ATP11A: variants seen among roughly 807,000 people sequenced by gnomAD.
ATP11A encodes phospholipid-transporting ATPase IH.
ATP11A carries 81 observed loss-of-function variants against 154.4 expected under a neutral mutation model. The observed-to-expected ratio is 0.52, with a 90% CI of 0.44 to 0.63. The LOEUF (loss-of-function observed/expected upper bound fraction) is 0.63. Among genes scored for constraint, ATP11A ranks in the 30% least tolerant of loss-of-function variants. ATP11A has a pLI of 0.00. For missense variants in ATP11A, 1,316 were observed against 1,474.3 expected (o/e 0.89, Z 1.76); for synonymous variants, 623 against 585.9 (o/e 1.06, Z -0.91).
chr13:112,858,173 T>C lies in ATP11A; in HGVS notation c.2550T>C (p.Ala850=). ...TCATCGGCAAGGAAGGCCGCCAGGC[T>C]GCCAGGAACAGCGACTATGCAATCC... ...IGVIGKEGRQ[A]ARNSDYAIPK... Residue 850 remains alanine (A), a synonymous_variant, in exon 22 of 30, where the codon GCT becomes GCC. Transcript: ENST00000375645. 1 of 1,613,820 alleles carries C rather than the reference T, an allele frequency of 6.2e-7. No homozygotes were observed. Among genetic ancestry groups the C allele is most frequent in the Non-Finnish European group, 8.5e-7 (1 of 1,179,904 alleles).
chr13:112,859,627 A>G lies in ATP11A; in HGVS notation c.2727+175A>G, dbSNP rs1009957460. Among the ~76,000 whole-genome samples, 12 of 152,150 alleles carry G rather than the reference A, an allele frequency of 7.9e-5. No homozygotes were observed. Among genetic ancestry groups the G allele is most frequent in the African/African-American group, 2.9e-4 (12 of 41,430 alleles). On this transcript the variant is annotated intron_variant, in intron 23 of 29. Coordinates refer to ENST00000375645, the MANE Select transcript of ATP11A (RefSeq NM_015205.3). This position sits in a 1 kb window ranked among gnomAD's most constrained non-coding sequence, Gnocchi z 4.3. ...AGGGTCGGGCCTGGGGAGGGGGGCC[A>G]CGGAGCTGAGGAGTTGCCGTCCTGG...
intron 1 of ATP11A, among the ~76,000 whole-genome samples, chr13:112,737,626 A>G (rs1047624902): frequency 6.6e-6 from 1 of 152,194 alleles, no homozygotes; most frequent in African/African-American, 2.4e-5. Context: ...CAGGGAGGTC[A>G]CCGAGGGCCT....
At chr13:112,725,328 A>G (rs772398522) in intron 1 of ATP11A, among the ~76,000 whole-genome samples, 1 of 152,130 alleles carries the variant, frequency 6.6e-6, no homozygotes, top group Non-Finnish European at 1.5e-5. Flanking sequence ...TGGGGAGCAG[A>G]CGAGGTATGG....
At chr13:112,880,797 TC>T in intron 29 of ATP11A, 3 of 1,149,496 alleles carry the variant, frequency 2.6e-6, no homozygotes, top group Non-Finnish European at 3.3e-6. Context: ...GCATTTGCTG[TC>T]CCAGGTAAGT....
chr13:112,747,828 A>G (rs1309160359), intron 1 of ATP11A, among the ~76,000 whole-genome samples: 1 of 148,812 alleles, frequency 6.7e-6, no homozygotes, highest in Non-Finnish European at 1.5e-5. Context: ...AGAGTGTAAG[A>G]CTCCATCTCA....
chr13:112,717,286 A>C (rs1427549728), intron 1 of ATP11A: 1 of 152,186 alleles, frequency 6.6e-6, no homozygotes, highest in Non-Finnish European at 1.5e-5. Flanking sequence ...TTTTTCTCCT[A>C]ATCACATCCA....
rs1184071987 is a variant in ATP11A, at chr13:112,881,993, GGTTCCCATCACCACTGCA to G, written c.*133_*150del. 1 of 1,367,790 alleles carries G rather than the reference GGTTCCCATCACCACTGCA, an allele frequency of 7.3e-7. No homozygotes were observed. The highest frequency in any genetic ancestry group is 2.1e-4 in the Middle Eastern group (1 of 4,768). The allele number at this position is 1,367,790 out of a possible 1,614,324, so 84.7% of individuals were successfully genotyped here. On this transcript the variant is annotated 3_prime_UTR_variant, in exon 30 of 30. Coordinates refer to ENST00000375645, the MANE Select transcript of ATP11A (RefSeq NM_015205.3). Reference sequence around the variant, plus strand: ...CACGGAGCCCCCACCCATCCTCGGCGGTTCCCATCACCACTGCAGTTCCATCCCAAGTCACAGCTGCCC... The same window carrying G: ...CACGGAGCCCCCACCCATCCTCGGCGGTTCCATCCCAAGTCACAGCTGCCC...
At chr13:112,826,614 C>T in intron 11 of ATP11A, 80 bp from the exon 12 acceptor site, 1 of 1,124,226 alleles carries the variant, frequency 8.9e-7, no homozygotes, top group Non-Finnish European at 1.4e-6. Flanking sequence ...TATGCCTAAG[C>T]CTGAGGTGTT....
intron 1 of ATP11A, among the ~76,000 whole-genome samples, chr13:112,767,936 C>G (rs1023306701): frequency 5.9e-5 from 9 of 152,262 alleles, no homozygotes; most frequent in Admixed American, 3.9e-4. Flanking sequence ...GAACCCCCTC[C>G]GGCTCCTCAC....
intron 2 of ATP11A, among the ~76,000 whole-genome samples, chr13:112,798,643 C>T (rs1594735586): frequency 6.6e-6 from 1 of 152,052 alleles, no homozygotes; most frequent in Non-Finnish European, 1.5e-5. Context: ...AGTGCAACCA[C>T]TAAGTAATTT....
At chr13:112,767,480 A>T (rs1350738527) in intron 1 of ATP11A, among the ~76,000 whole-genome samples, 1 of 23,130 alleles carries the variant, frequency 4.3e-5, no homozygotes. Flanking sequence ...GAGTGCTGGG[A>T]GCCCCCGTGG....
intron 1 of ATP11A, among the ~76,000 whole-genome samples, chr13:112,742,442 A>G (rs1465908357): frequency 6.6e-6 from 1 of 152,140 alleles, no homozygotes; most frequent in East Asian, 1.9e-4. Flanking sequence ...GCGGTGTCAC[A>G]GGTCGTGTGT....
chr13:112,831,226 G>T (rs2079074985), intron 12 of ATP11A, 149 bp from the exon 13 acceptor site: 2 of 836,530 alleles, frequency 2.4e-6, no homozygotes, highest in Non-Finnish European at 3.7e-6. Context: ...AGCCCAGTGA[G>T]GGGGTCTGTC....
At chr13:112,821,312 ATATTT>A (rs1461882877) in intron 8 of ATP11A, among the ~76,000 whole-genome samples, 1 of 152,010 alleles carries the variant, frequency 6.6e-6, no homozygotes, top group South Asian at 2.1e-4. Context: ...TTTATTTTAT[ATATTT>A]TATTTTATTT....
rs2080956815 is a variant in ATP11A, at chr13:112,885,264, A to T, written c.*3398A>T. 7.8e-6 allele frequency: 1 copy of T among 128,858 alleles called. No homozygotes were observed. The highest frequency in any genetic ancestry group is 2.5e-4 in the South Asian group (1 of 4,074). The allele number at this position is 128,858 out of a possible 1,614,324, so 8.0% of individuals were successfully genotyped here. A position where few individuals can be genotyped will look rare whatever the true frequency, so the allele number is the denominator to read the frequency against. On this transcript the variant is annotated 3_prime_UTR_variant, in exon 30 of 30. Coordinates refer to ENST00000375645, the MANE Select transcript of ATP11A (RefSeq NM_015205.3). ...CACATGCATGTACAGGTAAGCACACATGTACAAGCTCCTACAGGCTTGCTC... is the reference window on the plus strand; with the variant it reads ...CACATGCATGTACAGGTAAGCACACTTGTACAAGCTCCTACAGGCTTGCTC...
chr13:112,779,229 G>A (rs1193557069), intron 1 of ATP11A, among the ~76,000 whole-genome samples: 1 of 132,802 alleles, frequency 7.5e-6, no homozygotes, highest in African/African-American at 3.0e-5. Flanking sequence ...CTGGAGTGAG[G>A]AGTAGCCACT....
intron 1 of ATP11A, among the ~76,000 whole-genome samples, chr13:112,772,730 G>T (rs1465158839): frequency 6.6e-6 from 1 of 152,236 alleles, no homozygotes; most frequent in Non-Finnish European, 1.5e-5. Context: ...GCTTCTCGTG[G>T]ATGGAGTCAA....
intron 28 of ATP11A, chr13:112,876,152 A>G: frequency 2.2e-6 from 1 of 447,502 alleles, no homozygotes; most frequent in Non-Finnish European, 3.7e-6. Context: ...CAACCTAAAC[A>G]GTCATCTGAA....
intron 1 of ATP11A, among the ~76,000 whole-genome samples, chr13:112,773,593 G>A (rs531317316): frequency 1.6e-4 from 24 of 152,336 alleles, no homozygotes; most frequent in African/African-American, 5.1e-4. Context: ...GCCCTGTGGC[G>A]GATGGGGGTC....
Sources: gnomAD v4.1 joint callset for allele counts (sites outside exome capture counted in the v4.1 genomes callset) on GRCh38, gnomAD v4.1.1 for gene constraint, Gnocchi (gnomAD v3.1) non-coding constraint, MANE v1.5 for transcripts, NCBI Gene and HGNC (gene_info 2026-07-23, HGNC 2026-07-21) for gene names.